INPP4B: variants seen among roughly 807,000 people sequenced by gnomAD.
INPP4B encodes the protein inositol polyphosphate 4-phosphatase type II.
Under a neutral mutation model 122.5 loss-of-function variants are expected in INPP4B, and 55 were observed. The observed-to-expected ratio is 0.45, with a 90% confidence interval of 0.36 to 0.56. The LOEUF (loss-of-function observed/expected upper bound fraction) is 0.56. Among genes scored for constraint, INPP4B ranks in the 20% least tolerant of loss-of-function variants. The probability of loss-of-function intolerance (pLI) is 0.00; values close to 1 mark genes in which losing one functional copy is unlikely to be tolerated. For synonymous variants in INPP4B, 403 were observed against 388.7 expected, an observed-to-expected ratio of 1.04 and a Z score of -0.43; for missense variants, 1,000 against 1,097.7, an observed-to-expected ratio of 0.91 and a Z score of 1.26.
chr4:142,169,475 T>G (rs540188894), intron 16 of INPP4B, among the ~76,000 whole-genome samples: 1 of 151,720 alleles, frequency 6.6e-6, no homozygotes, highest in African/African-American at 2.4e-5. Flanking sequence ...TTCTCTCTAT[T>G]ATGTGTATCT....
At chr4:142,352,534 C>A (rs183555646) in intron 7 of INPP4B, among the ~76,000 whole-genome samples, 1 of 151,434 alleles carries the variant, frequency 6.6e-6, no homozygotes, top group Non-Finnish European at 1.5e-5. Context: ...ATATTCCCAA[C>A]CCATATGTGT....
Position 142,611,550 on chromosome 4 carries a change from T to TA in INPP4B, c.-191+114288dup, listed in dbSNP as rs558152132. On this transcript the variant is annotated intron_variant, in intron 2 of 25. Coordinates refer to ENST00000262992, the MANE Select transcript of INPP4B (RefSeq NM_001101669.3). ...CATATATCTTTTATTTTTTCGTTTG[T>TA]AAAAAAAAAAATTATTTGTGTGCAA... Among the ~76,000 whole-genome samples the TA allele has an allele frequency of 9.0e-4, 131 of 146,360 alleles. 1 individual carries two copies. In the South Asian group the frequency reaches 0.014, roughly 16 times the overall value.
intron 22 of INPP4B, 28 bp downstream of exon 22, chr4:142,112,514 C>G: frequency 6.2e-7 from 1 of 1,610,164 alleles, no homozygotes; most frequent in Non-Finnish European, 8.5e-7. Flanking sequence ...AGAAAAATCT[C>G]AAGTGCGACT....
At chr4:142,208,808 T>A in intron 13 of INPP4B, 88 bp downstream of exon 13, 1 of 1,025,196 alleles carries the variant, frequency 9.8e-7, no homozygotes, top group Non-Finnish European at 1.3e-6. Context: ...TTCTCCTATC[T>A]ACATAAAATC....
At chr4:142,206,007 C>A (rs564552910) in intron 14 of INPP4B, among the ~76,000 whole-genome samples, 1 of 152,144 alleles carries the variant, frequency 6.6e-6, no homozygotes, top group East Asian at 1.9e-4. Flanking sequence ...ATAAATTATT[C>A]TCTAACAGTT....
intron 2 of INPP4B, among the ~76,000 whole-genome samples, chr4:142,713,592 G>A (rs571571982): frequency 9.5e-4 from 145 of 152,248 alleles, no homozygotes; most frequent in Middle Eastern, 3.4e-3. Context: ...GTCACACAGC[G>A]GCACTATTAC....
rs1237753629 is a variant in INPP4B, at chr4:142,601,925, C to A, written c.-191+123914G>T. Among the ~76,000 whole-genome samples, 4 of 128,342 alleles carry A rather than the reference C, an allele frequency of 3.1e-5. No individual in the cohort carries two copies. The East Asian group carries it at 9.4e-4, about 30-fold the overall frequency. The allele number at this position is 128,342 out of a possible 152,430, so 84.2% of individuals were successfully genotyped here. ...CGGAGCTTGCAGTAAGCCAAGATTGCACCACTGCACTCCAGCGTGGGTGAC... is the reference window on the plus strand; with the variant it reads ...CGGAGCTTGCAGTAAGCCAAGATTGAACCACTGCACTCCAGCGTGGGTGAC... On this transcript the variant is annotated intron_variant, in intron 2 of 25. Transcript: ENST00000262992.
chr4:142,618,907 G>A (rs187398885), intron 2 of INPP4B, among the ~76,000 whole-genome samples: 94 of 148,220 alleles, frequency 6.3e-4, no homozygotes, highest in Non-Finnish European at 1.1e-3. Context: ...ATAAATAACA[G>A]CCAAATAAAA....
intron 15 of INPP4B, among the ~76,000 whole-genome samples, chr4:142,187,819 C>T (rs969485693): frequency 6.6e-6 from 1 of 152,148 alleles, no homozygotes; most frequent in African/African-American, 2.4e-5. Context: ...TGGTCTCAAA[C>T]TCCTGAGCTC....
At chr4:142,213,291 G>A (rs529879948) in intron 12 of INPP4B, among the ~76,000 whole-genome samples, 19 of 152,196 alleles carry the variant, frequency 1.2e-4, no homozygotes, top group African/African-American at 2.2e-4. Context: ...GGTCTCTATC[G>A]TACCCCGGAG....
Position 142,403,031 on chromosome 4 carries a change from C to A in INPP4B, c.279G>T (p.Leu93Phe). The change falls in exon 7 of 26, where the codon TTG becomes TTT. Residue 93 changes from leucine (L) to phenylalanine (F), a missense_variant. By Grantham distance (22) the Leu-to-Phe change is conservative. Transcript: ENST00000262992. ...IVEGTRDPLF[L>F]TGVTFPSEYP... Reference sequence around the variant, plus strand: ...ACTCAGATGGGAATGTGACACCAGTCAAAAACAGTGGGTCCCTTGTTCCCT... The same window carrying A: ...ACTCAGATGGGAATGTGACACCAGTAAAAAACAGTGGGTCCCTTGTTCCCT... 6.2e-7 allele frequency: 1 copy of A among 1,608,750 alleles called. No homozygotes were observed. Among genetic ancestry groups the A allele is most frequent in the South Asian group, 1.1e-5 (1 of 90,938 alleles).
chr4:142,823,356 C>T (rs1781028983), intron 1 of INPP4B, among the ~76,000 whole-genome samples: 1 of 152,022 alleles, frequency 6.6e-6, no homozygotes, highest in African/African-American at 2.4e-5. Flanking sequence ...AACATGAACA[C>T]AAACCATTAA....
intron 2 of INPP4B, among the ~76,000 whole-genome samples, chr4:142,522,392 AGTG>A (rs1826209430): frequency 7.7e-6 from 1 of 130,592 alleles, no homozygotes; most frequent in South Asian, 2.6e-4. Flanking sequence ...GCTGGAGTGA[AGTG>A]GTTATTCACA....
chr4:142,638,169 T>C (rs958618061), intron 2 of INPP4B, among the ~76,000 whole-genome samples: 1 of 152,208 alleles, frequency 6.6e-6, no homozygotes, highest in Non-Finnish European at 1.5e-5. Context: ...TCTCTTGACA[T>C]TGTCTTTCAG....
intron 2 of INPP4B, chr4:142,519,020 A>G (rs1825754831): frequency 6.6e-6 from 1 of 152,166 alleles, no homozygotes; most frequent in Non-Finnish European, 1.5e-5. Context: ...AGCAATAGAT[A>G]ATTAAGACAT....
intron 7 of INPP4B, among the ~76,000 whole-genome samples, chr4:142,369,822 T>G (rs760848206): frequency 2.0e-5 from 3 of 151,208 alleles, no homozygotes; most frequent in African/African-American, 7.3e-5. Context: ...TCCCAGCTAC[T>G]TGGGAGGCTG....
At chr4:142,398,432 ATATATATATAT>A (rs1186162759) in intron 7 of INPP4B, among the ~76,000 whole-genome samples, 50 of 86,244 alleles carry the variant, frequency 5.8e-4, no homozygotes, top group East Asian at 4.1e-4. Context: ...ATATATATAT[ATATATATATAT>A]ATAAAACATA....
intron 1 of INPP4B, among the ~76,000 whole-genome samples, chr4:142,763,458 A>C (rs1338734328): frequency 6.6e-6 from 1 of 152,162 alleles, no homozygotes; most frequent in Non-Finnish European, 1.5e-5. Context: ...AGAAACAAAC[A>C]ACAGAACATT....
intron 9 of INPP4B, among the ~76,000 whole-genome samples, chr4:142,302,489 T>G (rs925408580): frequency 6.6e-6 from 1 of 152,178 alleles, no homozygotes; most frequent in Admixed American, 6.6e-5. Context: ...CTTTCCCATT[T>G]AAGAGCATTA....
Sources: gnomAD v4.1 joint callset for allele counts (sites outside exome capture counted in the v4.1 genomes callset) on GRCh38, gnomAD v4.1.1 for gene constraint, MANE v1.5 for transcripts, NCBI Gene and HGNC (gene_info 2026-07-23, HGNC 2026-07-21) for gene names.